The following FAF2 variants were observed in gnomAD, a reference collection of about 807,000 sequenced individuals.
FAF2 encodes Fas associated factor family member 2.
Under a neutral mutation model 62.3 loss-of-function variants are expected in FAF2, and 9 were observed. That is an observed-to-expected ratio of 0.14 (90% confidence interval 0.09 to 0.25). The LOEUF (loss-of-function observed/expected upper bound fraction) is 0.25, where lower values mean the gene tolerates loss of function less well. Among genes scored for constraint, FAF2 ranks in the 10% least tolerant of loss-of-function variants. The pLI is 1.00. For synonymous variants in FAF2, 202 were observed against 198.0 expected (o/e 1.02, Z -0.17); for missense variants, 368 against 556.2 (o/e 0.66, Z 3.40).
chr5:176,498,744 A>G (rs1304595303), intron 8 of FAF2, among the ~76,000 whole-genome samples, 170 bp from the exon 9 acceptor site: 1 of 152,188 alleles, frequency 6.6e-6, no homozygotes, highest in Admixed American at 6.6e-5. Context: ...TGGCTTATTC[A>G]GATTCTGCCA....
chr5:176,495,781 A>G (rs1759048898), intron 7 of FAF2, among the ~76,000 whole-genome samples: 1 of 149,518 alleles, frequency 6.7e-6, no homozygotes, highest in South Asian at 2.3e-4. Flanking sequence ...CAAAAGTGCT[A>G]GGATTAAAGG....
chr5:176,494,316 A>C lies in FAF2; in HGVS notation c.661+41A>C, dbSNP rs771939532. The C allele has an allele frequency of 3.3e-6, 5 of 1,511,786 alleles. No homozygotes were observed. The highest frequency in any genetic ancestry group is 2.8e-6 in the Non-Finnish European group (3 of 1,088,308). 93.6% of individuals were successfully genotyped at this position (1,511,786 alleles called of 1,614,324 possible). A position where few individuals can be genotyped will look rare whatever the true frequency, so the allele number is the denominator to read the frequency against. ...TCTGCCTCATTGAGATTGTTGGAGT[A>C]TCTTTGGAATAGTCTGGAAAGACAT... On this transcript the variant is annotated intron_variant, in intron 7 of 10. Coordinates refer to ENST00000261942, the MANE Select transcript of FAF2 (RefSeq NM_014613.3). The surrounding 1 kb of genome is among the most constrained non-coding windows in gnomAD (Gnocchi z 4.0).
At chr5:176,471,749 C>T (rs1445771651) in intron 1 of FAF2, among the ~76,000 whole-genome samples, 3 of 143,036 alleles carry the variant, frequency 2.1e-5, no homozygotes, top group Non-Finnish European at 3.0e-5. Flanking sequence ...TGCAGTGGTG[C>T]GATCTTGGCT....
intron 1 of FAF2, among the ~76,000 whole-genome samples, chr5:176,478,042 G>A (rs1020014244): frequency 6.6e-6 from 1 of 152,234 alleles, no homozygotes; most frequent in African/African-American, 2.4e-5. Flanking sequence ...CAAATGAAAG[G>A]ATGGATGGAT....
chr5:176,464,090 A>G (rs1219988371), intron 1 of FAF2, among the ~76,000 whole-genome samples: 1 of 151,982 alleles, frequency 6.6e-6, no homozygotes, highest in East Asian at 1.9e-4. Flanking sequence ...CTTTCCAACA[A>G]AGCTCAGCCA....
At chr5:176,466,251 A>C (rs1195215946) in intron 1 of FAF2, among the ~76,000 whole-genome samples, 1 of 152,238 alleles carries the variant, frequency 6.6e-6, no homozygotes, top group Non-Finnish European at 1.5e-5. Context: ...TGCTACTATC[A>C]GAGAAGGCAT....
At chr5:176,467,740 A>G (rs1758495674) in intron 1 of FAF2, among the ~76,000 whole-genome samples, 1 of 152,264 alleles carries the variant, frequency 6.6e-6, no homozygotes, top group Non-Finnish European at 1.5e-5. Flanking sequence ...AAGATTCAGT[A>G]TTCTCAATTG....
intron 3 of FAF2, 88 bp from the exon 4 acceptor site, chr5:176,488,863 C>A (rs1758921080): frequency 1.9e-6 from 2 of 1,071,220 alleles, no homozygotes; most frequent in African/African-American, 3.1e-5. Flanking sequence ...ATGGAAGGAC[C>A]AAAAAGAGTG....
intron 7 of FAF2, among the ~76,000 whole-genome samples, chr5:176,495,930 T>A (rs1431314901): frequency 1.3e-5 from 2 of 152,066 alleles, no homozygotes; most frequent in Non-Finnish European, 2.9e-5. Flanking sequence ...AAAATGATGA[T>A]GGAGATTATT....
Position 176,486,371 on chromosome 5 carries a change from G to C in FAF2, c.149G>C (p.Arg50Thr). 6.2e-7 allele frequency: 1 copy of C among 1,614,192 alleles called. No individual in the cohort carries two copies. The stretch of plus-strand genomic sequence containing the variant: ...CCTTCTCAGGCTGCTGTACAGGACA[G>C]ATTGAATGAGCAAGAGGGCGTACCT... Reference protein sequence around the residue: ...NWNIEAAVQDRLNEQEGVPSV... With the variant: ...NWNIEAAVQDTLNEQEGVPSV... Residue 50 changes from arginine (R) to threonine (T), a missense_variant, in exon 3 of 11, where the codon AGA becomes ACA. Arg to Thr is a moderately conservative substitution (Grantham distance 71). Coordinates refer to ENST00000261942, the MANE Select transcript of FAF2 (RefSeq NM_014613.3).
In FAF2 at chr5:176,509,053, T is replaced by G. The variant is rs1290211104; in HGVS notation, c.*2103T>G. 6 of 152,168 alleles carry G rather than the reference T, an allele frequency of 3.9e-5. No individual in the cohort carries two copies. The highest frequency in any genetic ancestry group is 7.3e-5 in the Non-Finnish European group (5 of 68,034). 9.4% of individuals were successfully genotyped at this position (152,168 alleles called of 1,614,324 possible). On this transcript the variant is annotated 3_prime_UTR_variant, in exon 11 of 11. Transcript: ENST00000261942. ...GATAATAGTTGTTCAGTGAAGGAAG[T>G]CAGCTGCCAGAATATTAAGAAGGGT...
chr5:176,457,946 CCTCAGTTTA>C (rs1314370870), intron 1 of FAF2, among the ~76,000 whole-genome samples: 1 of 152,204 alleles, frequency 6.6e-6, no homozygotes, highest in Non-Finnish European at 1.5e-5. Context: ...ATTGCCACTG[CCTCAGTTTA>C]TACTTCATTT....
chr5:176,494,255 A>G lies in FAF2; in HGVS notation c.641A>G (p.Asn214Ser). ...ATGCTCTTCTGGGCATGCTCTACAA[A>G]CAAACCTGAGGGATACAGGGGTAAG... Reference protein sequence around the residue: ...TRMLFWACSTNKPEGYRVSQA... With the variant: ...TRMLFWACSTSKPEGYRVSQA... The change falls in exon 7 of 11, where the codon AAC becomes AGC. Residue 214 changes from asparagine (N) to serine (S), a missense_variant. Physicochemically the swap from Asn to Ser is conservative, Grantham distance 46. Around this residue, in one of 2 missense-constraint regions of FAF2, gnomAD observed 331 missense variants for 441.9 expected, o/e 0.75. Transcript: ENST00000261942. The surrounding 1 kb of genome is among the most constrained non-coding windows in gnomAD (Gnocchi z 4.0). 6.2e-7 allele frequency: 1 copy of G among 1,613,776 alleles called. No homozygotes were observed. The highest frequency in any genetic ancestry group is 8.5e-7 in the Non-Finnish European group (1 of 1,179,836).
chr5:176,503,137 G>A (rs1658184736), intron 10 of FAF2, among the ~76,000 whole-genome samples: 1 of 152,232 alleles, frequency 6.6e-6, no homozygotes, highest in South Asian at 2.1e-4. Flanking sequence ...TCATAAATGG[G>A]TCTTAGAGAT....
intron 9 of FAF2, 48 bp downstream of exon 9, chr5:176,499,133 C>G (rs1561828401): frequency 3.3e-6 from 5 of 1,493,276 alleles, no homozygotes; most frequent in South Asian, 1.3e-5. Context: ...ACTGCCGAGA[C>G]TTTGCCATCT....
intron 2 of FAF2, 55 bp downstream of exon 2, chr5:176,479,311 C>T: frequency 1.4e-6 from 2 of 1,382,642 alleles, no homozygotes; most frequent in Non-Finnish European, 2.0e-6. Flanking sequence ...GATTAAGAGT[C>T]AAAACCGTAT....
intron 1 of FAF2, among the ~76,000 whole-genome samples, chr5:176,457,653 G>GT (rs1554131309): frequency 6.7e-6 from 1 of 149,986 alleles, no homozygotes; most frequent in Non-Finnish European, 1.5e-5. Flanking sequence ...TGTTTTCAGG[G>GT]GTGTGTGTGT....
At chr5:176,481,752 C>A (rs986983401) in intron 2 of FAF2, among the ~76,000 whole-genome samples, 2 of 152,118 alleles carry the variant, frequency 1.3e-5, no homozygotes, top group African/African-American at 4.8e-5. Flanking sequence ...AACTCCTGGG[C>A]TCAAGCATTC....
intron 9 of FAF2, 96 bp downstream of exon 9, chr5:176,499,181 TA>T: frequency 8.7e-7 from 1 of 1,155,658 alleles, no homozygotes. Flanking sequence ...ATAGCCACCT[TA>T]AACAGACTAA....
Sources: gnomAD v4.1 joint callset for allele counts (sites outside exome capture counted in the v4.1 genomes callset) on GRCh38, gnomAD v4.1.1 for gene constraint, gnomAD v4.1.1 regional missense constraint, Gnocchi (gnomAD v3.1) non-coding constraint, MANE v1.5 for transcripts, NCBI Gene and HGNC (gene_info 2026-07-23, HGNC 2026-07-21) for gene names.